UST: variants seen among roughly 807,000 people sequenced by gnomAD.
UST encodes chondroitin sulfate 2-O-sulfotransferase.
In UST, 21 loss-of-function variants were observed where a neutral mutation model predicts 45.6. The observed-to-expected ratio is 0.46, with a 90% confidence interval of 0.33 to 0.66. The LOEUF is 0.66. Among genes scored for constraint, UST ranks in the 30% least tolerant of loss-of-function variants. UST has a pLI of 0.02. For missense variants in UST, 463 were observed against 512.4 expected, an observed-to-expected ratio of 0.90 and a Z score of 0.93; for synonymous variants, 215 against 200.6, an observed-to-expected ratio of 1.07 and a Z score of -0.61.
chr6:148,898,623 C>T (rs1170839042), intron 2 of UST, among the ~76,000 whole-genome samples: 1 of 152,088 alleles, frequency 6.6e-6, no homozygotes, highest in Non-Finnish European at 1.5e-5. Flanking sequence ...CTACTCTTGC[C>T]CAAGAAGAAC....
In UST at chr6:148,790,397, G is replaced by A. The variant is rs1273767897; in HGVS notation, c.247+42720G>A. Among the ~76,000 whole-genome samples the A allele has an allele frequency of 1.3e-5, 2 of 152,180 alleles. No individual in the cohort carries two copies. The highest frequency in any genetic ancestry group is 2.4e-5 in the African/African-American group (1 of 41,446). On this transcript the variant is annotated intron_variant, in intron 1 of 7. Coordinates refer to ENST00000367463, the MANE Select transcript of UST (RefSeq NM_005715.3). This position sits in a 1 kb window ranked among gnomAD's most constrained non-coding sequence, Gnocchi z 4.2. ...GTTTCTGGAATAGTAGAGACCACAA[G>A]GTTCTGAAAAAGAGGCCACTGGTTC...
chr6:148,811,427 T>C (rs1439957096), intron 1 of UST, among the ~76,000 whole-genome samples: 1 of 152,222 alleles, frequency 6.6e-6, no homozygotes, highest in Non-Finnish European at 1.5e-5. Flanking sequence ...AAAGAGACTC[T>C]GCTTCTCAAT....
At chr6:149,017,662 T>C (rs9377187) in intron 5 of UST, among the ~76,000 whole-genome samples, 103,664 of 152,038 alleles carry the variant, frequency 0.68, 35,842 homozygotes, top group African/African-American at 0.78. Flanking sequence ...CCTTCTCATT[T>C]TTTCCAGGTA....
At chr6:148,920,459 G>A (rs575565093) in intron 2 of UST, among the ~76,000 whole-genome samples, 3 of 152,254 alleles carry the variant, frequency 2.0e-5, no homozygotes, top group African/African-American at 7.2e-5. Context: ...GGATGGAGGG[G>A]TAGGAGCAAA....
rs75454012 is a variant in UST, at chr6:148,889,031, C to T, written c.291+2002C>T. Among the ~76,000 whole-genome samples the T allele has an allele frequency of 1.3e-4, 20 of 152,320 alleles. No individual in the cohort carries two copies. The East Asian group carries it at 3.5e-3, about 26-fold the overall frequency. On this transcript the variant is annotated intron_variant, in intron 2 of 7. Coordinates refer to ENST00000367463, the MANE Select transcript of UST (RefSeq NM_005715.3). Reference sequence around the variant, plus strand: ...CTGGAATCTGAATTAGGTCTTCTGGCTTCCATCCCAGGTTCTTTCACTGAG... The same window carrying T: ...CTGGAATCTGAATTAGGTCTTCTGGTTTCCATCCCAGGTTCTTTCACTGAG...
chr6:148,850,435 G>A (rs1000751455), intron 1 of UST, among the ~76,000 whole-genome samples: 2 of 152,122 alleles, frequency 1.3e-5, no homozygotes, highest in Non-Finnish European at 2.9e-5. Context: ...TTTCATCTAC[G>A]GAGAGCAAAC....
At chr6:148,876,881 G>A (rs182297528) in intron 1 of UST, among the ~76,000 whole-genome samples, 3 of 149,998 alleles carry the variant, frequency 2.0e-5, no homozygotes, top group East Asian at 2.0e-4. Flanking sequence ...GAGGGGGTGC[G>A]TTTCAGGGAT....
At position 148,964,545 on chromosome 6, in the gene UST, G is replaced by T; in HGVS notation, c.663G>T (p.Arg221Ser). 1 of 1,613,828 alleles carries T rather than the reference G, an allele frequency of 6.2e-7. No homozygotes were observed. The highest frequency in any genetic ancestry group is 8.5e-7 in the Non-Finnish European group (1 of 1,180,042). Residue 221 changes from arginine (R) to serine (S), a missense_variant, in exon 5 of 8, where the codon AGG becomes AGT. Arg to Ser is a moderately radical substitution (Grantham distance 110). This residue lies in a region of UST where 287 missense variants were observed against 374.2 expected (regional missense o/e 0.77). Transcript: ENST00000367463. ...ACATGATCCGCACCCCCAGCATGAG[G>T]CAGGAGGAGCGCTACCTGGTAAGTC... is the stretch of plus-strand genomic sequence containing the variant. ...QNHMIRTPSM[R>S]QEERYLDINE...
chr6:148,851,803 C>T (rs1247699878), intron 1 of UST, among the ~76,000 whole-genome samples: 2 of 152,200 alleles, frequency 1.3e-5, no homozygotes, highest in African/African-American at 4.8e-5. Context: ...ACGAGGGAGT[C>T]ACTAAAGCCG....
intron 7 of UST, among the ~76,000 whole-genome samples, chr6:149,038,209 C>T (rs942029878): frequency 1.3e-5 from 2 of 151,736 alleles, no homozygotes; most frequent in African/African-American, 2.4e-5. Context: ...AATCCCCTAA[C>T]GTTACCCAAG....
At chr6:148,964,763 C>G (rs1034674056) in intron 5 of UST, 200 bp downstream of exon 5, 10 of 638,580 alleles carry the variant, frequency 1.6e-5, no homozygotes, top group East Asian at 5.6e-5. Context: ...TGAACATTTC[C>G]TCAAATTATT....
At chr6:148,988,107 G>T (rs4358650) in intron 5 of UST, among the ~76,000 whole-genome samples, 7 of 151,322 alleles carry the variant, frequency 4.6e-5, no homozygotes, top group South Asian at 4.2e-4. Context: ...ATGAGTACAA[G>T]GTCCAAGCAG....
At chr6:148,920,614 AAC>A (rs1213608079) in intron 2 of UST, among the ~76,000 whole-genome samples, 1 of 152,084 alleles carries the variant, frequency 6.6e-6, no homozygotes, top group Non-Finnish European at 1.5e-5. Flanking sequence ...CTGCAATCTC[AAC>A]CTCCTGGGCT....
chr6:148,752,349 A>G (rs77785290), intron 1 of UST, among the ~76,000 whole-genome samples: 5,881 of 152,328 alleles, frequency 0.039, 156 homozygotes, highest in Middle Eastern at 0.068. Context: ...AATCTAGGAA[A>G]TGAATGCATA....
intron 2 of UST, among the ~76,000 whole-genome samples, chr6:148,940,374 G>A (rs1195613714): frequency 1.3e-5 from 2 of 151,912 alleles, no homozygotes; most frequent in East Asian, 1.9e-4. Context: ...TGTGCCTGTA[G>A]TCCCAGCTAC....
intron 2 of UST, among the ~76,000 whole-genome samples, chr6:148,914,401 G>A (rs1779542240): frequency 6.6e-6 from 1 of 151,390 alleles, no homozygotes. Flanking sequence ...AGATTGGGGG[G>A]TGGGTGGGGA....
At chr6:149,071,108 A>G (rs916455547) in intron 7 of UST, among the ~76,000 whole-genome samples, 2 of 152,166 alleles carry the variant, frequency 1.3e-5, no homozygotes, top group Non-Finnish European at 2.9e-5. Context: ...ATTATTGGCT[A>G]TAGTCACCCT....
intron 1 of UST, among the ~76,000 whole-genome samples, chr6:148,824,552 A>T (rs1777531718): frequency 6.6e-6 from 1 of 152,112 alleles, no homozygotes; most frequent in Non-Finnish European, 1.5e-5. Context: ...TCATCAGTAG[A>T]GATCACTGAT....
chr6:148,952,257 C>G (rs1400534078), intron 3 of UST, among the ~76,000 whole-genome samples: 1 of 152,112 alleles, frequency 6.6e-6, no homozygotes, highest in Non-Finnish European at 1.5e-5. Context: ...ACAACGTGAC[C>G]ACGCAGGAAG....
Sources: allele counts gnomAD v4.1 joint callset (sites outside exome capture counted in the v4.1 genomes callset), GRCh38; gene constraint gnomAD v4.1.1; regional missense constraint gnomAD v4.1.1; non-coding constraint Gnocchi (gnomAD v3.1); transcripts MANE v1.5; gene names NCBI Gene and HGNC (gene_info 2026-07-23, HGNC 2026-07-21).